Variants in DIP2B observed in about 807,000 individuals in gnomAD.
The protein encoded by DIP2B is DIP2 acetate--CoA ligase B (putative), also known as disco-interacting protein 2 homolog B.
DIP2B carries 76 observed loss-of-function variants against 198.0 expected under a neutral mutation model. The observed-to-expected ratio is 0.38, with a 90% CI of 0.32 to 0.46. The LOEUF (loss-of-function observed/expected upper bound fraction) is 0.46, where lower values mean the gene tolerates loss of function less well. Among genes scored for constraint, DIP2B ranks in the 20% least tolerant of loss-of-function variants. The pLI is 0.99. For synonymous variants in DIP2B, 701 were observed against 739.1 expected (o/e 0.95, Z 0.84); for missense variants, 1,559 against 1,978.4 (o/e 0.79, Z 4.02).
chr12:50,616,835 T>G (rs1215170019), intron 1 of DIP2B, among the ~76,000 whole-genome samples: 1 of 152,204 alleles, frequency 6.6e-6, no homozygotes, highest in East Asian at 1.9e-4. Context: ...ATAATGAAAT[T>G]TTTGTCTTCT....
At chr12:50,702,232 G>C (rs1939430538) in intron 19 of DIP2B, among the ~76,000 whole-genome samples, 1 of 152,122 alleles carries the variant, frequency 6.6e-6, no homozygotes, top group African/African-American at 2.4e-5. Flanking sequence ...TGTAGTCCCA[G>C]CTACTCGGGA....
Position 50,516,243 on chromosome 12 carries a change from CTCTA to C in DIP2B, c.100+11007_100+11010del, listed in dbSNP as rs1171697982. On this transcript the variant is annotated intron_variant, in intron 1 of 37. Coordinates refer to ENST00000301180, the MANE Select transcript of DIP2B (RefSeq NM_173602.3). ...TCTCTCTCTCTCTCTCTCTCTCTCT[CTCTA>C]TCTCTATCTCTATCTCTATCTCTAT... Among the ~76,000 whole-genome samples, 208 of 141,036 alleles carry C rather than the reference CTCTA, an allele frequency of 1.5e-3. 2 individuals are homozygous for C. The East Asian group carries it at 0.032, about 22-fold the overall frequency. 92.5% of individuals were successfully genotyped at this position (141,036 alleles called of 152,430 possible).
chr12:50,570,837 A>G (rs1475391655), intron 1 of DIP2B, among the ~76,000 whole-genome samples: 1 of 152,230 alleles, frequency 6.6e-6, no homozygotes, highest in Admixed American at 6.5e-5. Context: ...TTGAGTGACT[A>G]GATTTAAGTT....
chr12:50,594,331 C>G (rs1179545171), intron 1 of DIP2B, among the ~76,000 whole-genome samples: 1 of 152,076 alleles, frequency 6.6e-6, no homozygotes, highest in African/African-American at 2.4e-5. Flanking sequence ...AAACAGATGT[C>G]CTGAGTTTGA....
intron 1 of DIP2B, among the ~76,000 whole-genome samples, chr12:50,510,875 C>T (rs1958008490): frequency 6.6e-6 from 1 of 151,532 alleles, no homozygotes; most frequent in South Asian, 2.1e-4. Context: ...GAACTCCCGA[C>T]CTCAGGTGAT....
intron 32 of DIP2B, 78 bp from the exon 33 acceptor site, chr12:50,734,057 T>C (rs1160308770): frequency 8.5e-6 from 13 of 1,527,624 alleles, no homozygotes; most frequent in South Asian, 4.5e-5. Flanking sequence ...TGTATATGGC[T>C]AAATTATTTC....
chr12:50,565,929 C>T (rs552784938), intron 1 of DIP2B, among the ~76,000 whole-genome samples: 26 of 151,424 alleles, frequency 1.7e-4, no homozygotes, highest in Admixed American at 7.2e-4. Context: ...TTATATGTCT[C>T]GAAATTTATC....
At position 50,746,610 on chromosome 12, in the gene DIP2B, C is replaced by G. The variant is rs1940344061; in HGVS notation, c.*1771C>G. ...CTCAGGACATTTGCCAGTTCCAGAT[C>G]TCTTTTTCAGCATTTTCATGGAATT... On this transcript the variant is annotated 3_prime_UTR_variant, in exon 38 of 38. Coordinates refer to ENST00000301180, the MANE Select transcript of DIP2B (RefSeq NM_173602.3). 6.6e-6 allele frequency: 1 copy of G among 152,118 alleles called. No individual in the cohort carries two copies. The highest frequency in any genetic ancestry group is 1.5e-5 in the Non-Finnish European group (1 of 68,042). The allele number at this position is 152,118 out of a possible 1,614,324, so 9.4% of individuals were successfully genotyped here. A position where few individuals can be genotyped will look rare whatever the true frequency, so the allele number is the denominator to read the frequency against.
At chr12:50,590,500 G>A (rs1958809847) in intron 1 of DIP2B, among the ~76,000 whole-genome samples, 1 of 152,082 alleles carries the variant, frequency 6.6e-6, no homozygotes, top group South Asian at 2.1e-4. Context: ...CTCCTGAGTA[G>A]CTGGGATTAC....
At chr12:50,685,981 T>C (rs1229130875) in intron 11 of DIP2B, 25 bp downstream of exon 11, 1 of 1,603,986 alleles carries the variant, frequency 6.2e-7, no homozygotes, top group Admixed American at 1.7e-5. Context: ...ACCTGAATTA[T>C]CAGTTAAAAG....
At chr12:50,716,981 T>TTTTTTTTTTTTTTTTTTTTTTTA (rs1592140662) in intron 23 of DIP2B, among the ~76,000 whole-genome samples, 1 of 145,596 alleles carries the variant, frequency 6.9e-6, no homozygotes, top group Non-Finnish European at 1.5e-5. Flanking sequence ...TTTTTTTTTT[T>TTTTTTTTTTTTTTTTTTTTTTTA]GAGACAGAGT....
chr12:50,731,194 T>C (rs938970881), intron 30 of DIP2B, among the ~76,000 whole-genome samples, 175 bp from the exon 31 acceptor site: 12 of 152,266 alleles, frequency 7.9e-5, no homozygotes, highest in African/African-American at 2.4e-4. Context: ...CTTTATTTCA[T>C]AGTTGCTCCT....
At chr12:50,678,614 A>C in intron 7 of DIP2B, 65 bp from the exon 8 acceptor site, 3 of 1,499,912 alleles carry the variant, frequency 2.0e-6, no homozygotes, top group Non-Finnish European at 1.8e-6. Context: ...AGTTGAGATT[A>C]GAGACCTAAG....
Position 50,699,180 on chromosome 12 carries a change from G to A in DIP2B, c.2303G>A (p.Gly768Asp). 2 of 1,613,954 alleles carry A rather than the reference G, an allele frequency of 1.2e-6. No individual in the cohort carries two copies. The highest frequency in any genetic ancestry group is 1.7e-6 in the Non-Finnish European group (2 of 1,179,956). The change falls in exon 19 of 38, where the codon GGT becomes GAT. Residue 768 changes from glycine (G) to aspartate (D), a missense_variant. Transcript: ENST00000301180. ...TGGMMYFGLA[G>D]VTKNTFEVIP... The stretch of plus-strand genomic sequence containing the variant: ...GGCATGATGTACTTTGGGCTTGCTG[G>A]TGTGACAAAAAATACATTTGAGGTA...
intron 1 of DIP2B, among the ~76,000 whole-genome samples, chr12:50,593,513 A>C (rs139613901): frequency 1.8e-4 from 27 of 151,690 alleles, no homozygotes; most frequent in African/African-American, 5.6e-4. Context: ...CAAAACAAAA[A>C]AAAAAAAGGA....
At chr12:50,517,438 G>T (rs1388648043) in intron 1 of DIP2B, among the ~76,000 whole-genome samples, 47 of 151,928 alleles carry the variant, frequency 3.1e-4, no homozygotes, top group Admixed American at 3.1e-3. Context: ...TATCATTCCA[G>T]TGTTAGTTCA....
intron 8 of DIP2B, chr12:50,679,540 G>C (rs919267493): frequency 6.6e-6 from 1 of 152,306 alleles, no homozygotes; most frequent in African/African-American, 2.4e-5. Flanking sequence ...TGAATAAATT[G>C]TATGTAAAAT....
At chr12:50,616,383 A>G (rs1937700790) in intron 1 of DIP2B, among the ~76,000 whole-genome samples, 1 of 152,274 alleles carries the variant, frequency 6.6e-6, no homozygotes, top group Non-Finnish European at 1.5e-5. Context: ...GAAGACTTTT[A>G]GAACCACTTA....
chr12:50,718,633 G>C, intron 23 of DIP2B, 76 bp from the exon 24 acceptor site: 1 of 1,259,722 alleles, frequency 7.9e-7, no homozygotes, highest in South Asian at 1.3e-5. Context: ...AACCAGTTTT[G>C]GTCAGTCTGG....
Sources: gnomAD v4.1 joint callset for allele counts (sites outside exome capture counted in the v4.1 genomes callset) on GRCh38, gnomAD v4.1.1 for gene constraint, MANE v1.5 for transcripts, NCBI Gene and HGNC (gene_info 2026-07-23, HGNC 2026-07-21) for gene names.